The following SEL1L3 variants were observed in gnomAD, a reference collection of about 807,000 sequenced individuals.
The protein encoded by SEL1L3 is SEL1L family member 3.
Under a neutral mutation model 142.8 loss-of-function variants are expected in SEL1L3, and 76 were observed. That is an observed-to-expected ratio of 0.53 (90% CI 0.44 to 0.64). The LOEUF is 0.64. Ranked by LOEUF, SEL1L3 falls within the 30% of genes least tolerant of loss-of-function variation. The probability of loss-of-function intolerance (pLI) is 0.00; values close to 1 mark genes in which losing one functional copy is unlikely to be tolerated. For synonymous variants in SEL1L3, 504 were observed against 519.6 expected, an observed-to-expected ratio of 0.97 and a Z score of 0.41; for missense variants, 1,262 against 1,381.7, an observed-to-expected ratio of 0.91 and a Z score of 1.37.
At chr4:25,741,500 A>G in the SEL1L3 span, among the ~76,000 whole-genome samples, 70 of 152,274 alleles carry the variant, frequency 4.6e-4, 1 homozygote, top group African/African-American at 1.7e-3. Flanking sequence ...GCAGCTCTTC[A>G]TCTACTTTAA....
At chr4:25,860,040 G>C (rs934528956) in intron 1 of SEL1L3, among the ~76,000 whole-genome samples, 7 of 152,178 alleles carry the variant, frequency 4.6e-5, no homozygotes, top group African/African-American at 1.7e-4. Flanking sequence ...GCTCTGGAGG[G>C]AGACAGATTT....
rs899154242 is a variant in SEL1L3 at position 25,833,545 on chromosome 4, A to G, written c.885T>C (p.Tyr295=). 1.9e-6 allele frequency: 3 copies of G among 1,612,704 alleles called. No individual in the cohort carries two copies. Among genetic ancestry groups the G allele is most frequent in the Non-Finnish European group, 2.5e-6 (3 of 1,179,266 alleles). ...YPVFTVSLWL[Y]LLHYCKANLC... Reference sequence around the variant, plus strand: ...GGTTGGCCTTGCAATAATGGAGTAAATAAAGCCACAATGAAACAGTAAACC... The same window carrying G: ...GGTTGGCCTTGCAATAATGGAGTAAGTAAAGCCACAATGAAACAGTAAACC... Residue 295 remains tyrosine (Y), a synonymous_variant, in exon 4 of 24, where the codon TAT becomes TAC. Transcript: ENST00000399878.
chr4:25,845,988 T>A (rs1716479178), intron 2 of SEL1L3, among the ~76,000 whole-genome samples: 2 of 152,086 alleles, frequency 1.3e-5, no homozygotes, highest in Non-Finnish European at 1.5e-5. Flanking sequence ...CCCCCGCAGA[T>A]CCTGACTAAG....
At chr4:25,834,654 A>C (rs1715674247) in intron 3 of SEL1L3, among the ~76,000 whole-genome samples, 1 of 152,262 alleles carries the variant, frequency 6.6e-6, no homozygotes, top group South Asian at 2.1e-4. Context: ...TACGCTCGGT[A>C]AAGTGACTCA....
rs201512920 is a variant in SEL1L3 at position 25,847,855 on chromosome 4, G to A, written c.172C>T (p.Pro58Ser). 97 of 1,543,082 alleles carry A rather than the reference G, an allele frequency of 6.3e-5. No homozygotes were observed. The East Asian group carries it at 2.1e-3, about 33-fold the overall frequency. The part of the protein sequence containing the change: ...LLLLCYLNVV[P>S]SLGRQTSLTT... The stretch of plus-strand genomic sequence containing the variant: ...AGGGAAGTCTGCCTACCCAAAGATG[G>A]TACAACATTCTGAAAAAAAGAAAAA... The change falls in exon 2 of 24, where the codon CCA (proline) becomes TCA (serine). Residue 58 changes from proline to serine, a missense_variant. By Grantham distance (74) the Pro-to-Ser change is moderately conservative. Around this residue, in one of 3 missense-constraint regions of SEL1L3, gnomAD observed 689 missense variants for 692.8 expected, o/e 0.99. Coordinates refer to ENST00000399878, the MANE Select transcript of SEL1L3 (RefSeq NM_015187.5).
chr4:25,782,889 C>G (rs531626248), intron 14 of SEL1L3, among the ~76,000 whole-genome samples: 4 of 152,184 alleles, frequency 2.6e-5, no homozygotes, highest in Non-Finnish European at 5.9e-5. Flanking sequence ...GCAGCAACAT[C>G]CTACTTGCAC....
chr4:25,770,842 C>T (rs188071406), intron 17 of SEL1L3, among the ~76,000 whole-genome samples: 46 of 152,196 alleles, frequency 3.0e-4, no homozygotes, highest in Middle Eastern at 6.8e-3. Context: ...AATGCGTGTA[C>T]CACCACCATC....
At chr4:25,841,672 G>GGGCCAGGCGCTGTAGTTC (rs1388496629) in intron 2 of SEL1L3, among the ~76,000 whole-genome samples, 1 of 152,022 alleles carries the variant, frequency 6.6e-6, no homozygotes, top group Non-Finnish European at 1.5e-5. Context: ...AAATAACAGC[G>GGGCCAGGCGCTGTAGTTC]GGCCAGGCGC....
At chr4:25,764,283 T>C (rs1718574581) in intron 20 of SEL1L3, among the ~76,000 whole-genome samples, 1 of 152,178 alleles carries the variant, frequency 6.6e-6, no homozygotes, top group African/African-American at 2.4e-5. Context: ...CAACTCAATC[T>C]AATGTGGGAT....
At chr4:25,752,495 A>C (rs1313818083) in intron 23 of SEL1L3, among the ~76,000 whole-genome samples, 1 of 151,900 alleles carries the variant, frequency 6.6e-6, no homozygotes, top group East Asian at 1.9e-4. Flanking sequence ...GGCTTTGGTC[A>C]TTATGTCTGT....
At chr4:25,809,473 A>T (rs1350060266) in intron 9 of SEL1L3, among the ~76,000 whole-genome samples, 1 of 152,118 alleles carries the variant, frequency 6.6e-6, no homozygotes, top group Non-Finnish European at 1.5e-5. Flanking sequence ...AAATAGAGAC[A>T]GGGCTTCGCT....
intron 1 of SEL1L3, among the ~76,000 whole-genome samples, chr4:25,860,815 T>A (rs1346455883): frequency 6.6e-6 from 1 of 152,186 alleles, no homozygotes; most frequent in Non-Finnish European, 1.5e-5. Context: ...TCACAGTATT[T>A]TCTAAAATTA....
chr4:25,836,571 G>A (rs990681276), intron 2 of SEL1L3, among the ~76,000 whole-genome samples: 2 of 152,118 alleles, frequency 1.3e-5, no homozygotes, highest in Admixed American at 6.5e-5. Context: ...AGAATTGCTT[G>A]AAGCTGGGAG....
chr4:25,844,463 T>C (rs1716386691), intron 2 of SEL1L3, among the ~76,000 whole-genome samples: 1 of 152,194 alleles, frequency 6.6e-6, no homozygotes, highest in African/African-American at 2.4e-5. Context: ...TTCTCACTCC[T>C]AAGGTAATGC....
intron 23 of SEL1L3, among the ~76,000 whole-genome samples, chr4:25,753,786 C>T (rs1468670472): frequency 6.6e-6 from 1 of 152,136 alleles, no homozygotes; most frequent in African/African-American, 2.4e-5. Context: ...GAGTTCAAGA[C>T]CAGCCTGGCC....
chr4:25,749,525 G>A (rs1717450273), intron 23 of SEL1L3, among the ~76,000 whole-genome samples: 2 of 152,170 alleles, frequency 1.3e-5, no homozygotes, highest in South Asian at 4.1e-4. Context: ...CCACTGGGGG[G>A]TTTGCAATCA....
intron 6 of SEL1L3, among the ~76,000 whole-genome samples, chr4:25,826,335 A>G (rs1351058636): frequency 1.3e-5 from 2 of 152,204 alleles, no homozygotes; most frequent in African/African-American, 4.8e-5. Context: ...TTCTCACACT[A>G]TCCTTGTAGG....
the SEL1L3 span, among the ~76,000 whole-genome samples, chr4:25,730,558 CT>C: frequency 1.3e-5 from 2 of 152,106 alleles, no homozygotes; most frequent in African/African-American, 4.8e-5. Context: ...CTGCCAGCTG[CT>C]TGTGGTGATG....
At chr4:25,730,138 T>C in the SEL1L3 span, among the ~76,000 whole-genome samples, 2 of 152,142 alleles carry the variant, frequency 1.3e-5, no homozygotes, top group Non-Finnish European at 1.5e-5. Flanking sequence ...TTCACTATGT[T>C]GGCCAGTCTG....
Sources: allele counts gnomAD v4.1 joint callset (sites outside exome capture counted in the v4.1 genomes callset), GRCh38; gene constraint gnomAD v4.1.1; regional missense constraint gnomAD v4.1.1; transcripts MANE v1.5; gene names NCBI Gene and HGNC (gene_info 2026-07-23, HGNC 2026-07-21).